Variants in SDCCAG8 observed in about 807,000 individuals in gnomAD.
SDCCAG8 encodes serologically defined colon cancer antigen 8.
In SDCCAG8, 74 loss-of-function variants were observed where a neutral mutation model predicts 101.8. The observed-to-expected ratio is 0.73, with a 90% CI of 0.60 to 0.88. The LOEUF (loss-of-function observed/expected upper bound fraction) is 0.88. SDCCAG8 is among the 40% of genes least tolerant of loss of function. The pLI is 0.00. For synonymous variants in SDCCAG8, 281 were observed against 292.9 expected, an observed-to-expected ratio of 0.96 and a Z score of 0.41; for missense variants, 787 against 822.6, an observed-to-expected ratio of 0.96 and a Z score of 0.53.
intron 9 of SDCCAG8, among the ~76,000 whole-genome samples, chr1:243,327,425 T>C (rs1277584699): frequency 5.3e-5 from 5 of 94,630 alleles, no homozygotes; most frequent in Admixed American, 2.9e-4. Context: ...TTTATAGAAG[T>C]TAAAATTATA....
At chr1:243,279,832 A>G (rs1226332130) in intron 4 of SDCCAG8, among the ~76,000 whole-genome samples, 2 of 152,152 alleles carry the variant, frequency 1.3e-5, no homozygotes, top group African/African-American at 2.4e-5. Context: ...TTTTTCATCT[A>G]TGTTCATTAG....
intron 16 of SDCCAG8, among the ~76,000 whole-genome samples, chr1:243,480,859 G>A: frequency 6.9e-6 from 1 of 144,318 alleles, no homozygotes; most frequent in Admixed American, 6.9e-5. Context: ...TGGATGGATG[G>A]GTGGATGGAT....
chr1:243,477,061 A>G (rs1662588441), intron 16 of SDCCAG8, among the ~76,000 whole-genome samples: 1 of 152,044 alleles, frequency 6.6e-6, no homozygotes. Context: ...AGCGTAATCA[A>G]TCAGATGGGG....
At chr1:243,326,133 T>A (rs1403884697) in intron 9 of SDCCAG8, among the ~76,000 whole-genome samples, 1 of 152,210 alleles carries the variant, frequency 6.6e-6, no homozygotes, top group Non-Finnish European at 1.5e-5. Flanking sequence ...TTTTCTTTTT[T>A]ACTCATAACA....
At chr1:243,310,669 A>G (rs1011359532) in intron 8 of SDCCAG8, among the ~76,000 whole-genome samples, 3 of 152,228 alleles carry the variant, frequency 2.0e-5, no homozygotes, top group African/African-American at 7.2e-5. Flanking sequence ...ATTCCCTTAC[A>G]ATAAAACATT....
chr1:243,446,723 A>G (rs1006328503), intron 16 of SDCCAG8, among the ~76,000 whole-genome samples: 1 of 152,090 alleles, frequency 6.6e-6, no homozygotes, highest in African/African-American at 2.4e-5. Flanking sequence ...AACCATCCAT[A>G]GCTACTTGGC....
chr1:243,476,805 A>G (rs1223131468), intron 16 of SDCCAG8, among the ~76,000 whole-genome samples: 1 of 152,200 alleles, frequency 6.6e-6, no homozygotes, highest in Non-Finnish European at 1.5e-5. Flanking sequence ...AGAAAGGAAC[A>G]TTATTGGGCC....
At chr1:243,357,511 A>C (rs2076458002) in intron 12 of SDCCAG8, among the ~76,000 whole-genome samples, 1 of 152,244 alleles carries the variant, frequency 6.6e-6, no homozygotes, top group Non-Finnish European at 1.5e-5. Context: ...CAAGGGTCAG[A>C]AAGACTTTAA....
intron 4 of SDCCAG8, among the ~76,000 whole-genome samples, chr1:243,285,357 T>C (rs1490400030): frequency 6.6e-6 from 1 of 152,222 alleles, no homozygotes; most frequent in Non-Finnish European, 1.5e-5. Flanking sequence ...ATTTCTCTGA[T>C]GGATCTAAGA....
chr1:243,411,248 G>T (rs987412781), intron 13 of SDCCAG8, among the ~76,000 whole-genome samples: 1 of 151,924 alleles, frequency 6.6e-6, no homozygotes, highest in South Asian at 2.1e-4. Context: ...TTGAGTAGCT[G>T]GCACTACAGG....
chr1:243,358,413 C>T (rs2076513361), intron 12 of SDCCAG8, among the ~76,000 whole-genome samples: 1 of 151,980 alleles, frequency 6.6e-6, no homozygotes, highest in Non-Finnish European at 1.5e-5. Context: ...GATGAGAAAC[C>T]ATTTCACATC....
chr1:243,435,216 C>T (rs933664865), intron 16 of SDCCAG8, among the ~76,000 whole-genome samples: 7 of 152,196 alleles, frequency 4.6e-5, no homozygotes, highest in Non-Finnish European at 1.0e-4. Context: ...TAACAGCATC[C>T]TTCCTAAAAC....
At chr1:243,403,770 G>A (rs2079564040) in intron 13 of SDCCAG8, among the ~76,000 whole-genome samples, 1 of 152,198 alleles carries the variant, frequency 6.6e-6, no homozygotes, top group African/African-American at 2.4e-5. Flanking sequence ...TGATGGAACT[G>A]TCTAGTTGCA....
intron 17 of SDCCAG8, 32 bp downstream of exon 17, chr1:243,489,172 C>A (rs548252681): frequency 8.7e-5 from 140 of 1,608,274 alleles, no homozygotes; most frequent in Non-Finnish European, 1.2e-4. Context: ...AGGTGGGAGT[C>A]CTTGGGCGGG....
rs1271341439 is a variant in SDCCAG8 at position 243,483,511 on chromosome 1, C to A, written c.1986-5503C>A. On this transcript the variant is annotated intron_variant, in intron 16 of 17. Coordinates refer to ENST00000366541, the MANE Select transcript of SDCCAG8 (RefSeq NM_006642.5). ...GCCGTCCTCTGCCGTGAAGATTGCC[C>A]CTCTCTCCTCCAGTGCCTCCTCCCC... Among the ~76,000 whole-genome samples the A allele has an allele frequency of 4.6e-5, 7 of 152,176 alleles. No homozygotes were observed. The East Asian group carries it at 1.2e-3, about 25-fold the overall frequency.
intron 17 of SDCCAG8, among the ~76,000 whole-genome samples, chr1:243,498,851 C>G (rs967404840): frequency 3.9e-5 from 6 of 152,168 alleles, no homozygotes; most frequent in Non-Finnish European, 8.8e-5. Context: ...GAAAGAGGGA[C>G]CAGATTGGGC....
rs959585740 is a variant in SDCCAG8, at chr1:243,274,657, G to A, written c.420+1G>A. On this transcript the variant is annotated splice_donor_variant, in intron 4 of 17. Coordinates refer to ENST00000366541, the MANE Select transcript of SDCCAG8 (RefSeq NM_006642.5). LOFTEE classifies it high-confidence loss of function. The stretch of plus-strand genomic sequence containing the variant: ...AGAGGCAGAAGTTAAGTTCTGCAAG[G>A]TAAGTTTCTCATTAAGAATTTAAAA... 6.6e-7 allele frequency: 1 copy of A among 1,520,782 alleles called. No individual in the cohort carries two copies. The highest frequency in any genetic ancestry group is 1.7e-5 in the Admixed American group (1 of 59,772). 94.2% of individuals were successfully genotyped at this position (1,520,782 alleles called of 1,614,324 possible).
chr1:243,456,033 TG>T (rs1365251951), intron 16 of SDCCAG8, among the ~76,000 whole-genome samples: 1 of 152,204 alleles, frequency 6.6e-6, no homozygotes, highest in African/African-American at 2.4e-5. Flanking sequence ...GGCTGATCGC[TG>T]GTCTACAGGC....
At chr1:243,414,877 A>G (rs1226103486) in intron 13 of SDCCAG8, among the ~76,000 whole-genome samples, 1 of 125,180 alleles carries the variant, frequency 8.0e-6, no homozygotes, top group African/African-American at 2.7e-5. Context: ...GTGTGTGTGC[A>G]CATGTACATG....
Sources: allele counts gnomAD v4.1 joint callset (sites outside exome capture counted in the v4.1 genomes callset), GRCh38; gene constraint gnomAD v4.1.1; transcripts MANE v1.5; gene names NCBI Gene and HGNC (gene_info 2026-07-23, HGNC 2026-07-21).